Variants in WNK1 observed in about 807,000 individuals in gnomAD.
WNK1 encodes serine/threonine-protein kinase WNK1.
In WNK1, 38 loss-of-function variants were observed where a neutral mutation model predicts 222.8. That is an observed-to-expected ratio of 0.17 (90% CI 0.13 to 0.22). The LOEUF (loss-of-function observed/expected upper bound fraction) is 0.22. Among genes scored for constraint, WNK1 ranks in the 10% least tolerant of loss-of-function variants. The pLI, the probability that WNK1 is intolerant of heterozygous loss-of-function variation, is 1.00. For missense variants in WNK1, 2,348 were observed against 2,918.4 expected (o/e 0.80, Z 4.50); for synonymous variants, 1,090 against 1,092.9 (o/e 1.00, Z 0.05).
intron 1 of WNK1, among the ~76,000 whole-genome samples, chr12:807,144 G>A (rs10849559): frequency 0.42 from 64,070 of 151,718 alleles, 15,145 homozygotes; most frequent in East Asian, 0.81. Context: ...GGAGTGGGTG[G>A]GAAGGTAGTA....
intron 1 of WNK1, among the ~76,000 whole-genome samples, chr12:786,427 C>A (rs1358732485): frequency 6.6e-6 from 1 of 150,822 alleles, no homozygotes; most frequent in Non-Finnish European, 1.5e-5. Context: ...TTTATATTGT[C>A]ATTCTTTTTT....
intron 2 of WNK1, among the ~76,000 whole-genome samples, chr12:823,318 C>A (rs980745789): frequency 1.3e-5 from 2 of 151,618 alleles, no homozygotes; most frequent in Admixed American, 1.3e-4. Context: ...AGATTCATGT[C>A]TTTTACTAAG....
chr12:821,042 G>GTTTTTTTTTTTTTTTTTTTTTTTTT (rs60880879), intron 2 of WNK1, among the ~76,000 whole-genome samples: 1 of 79,118 alleles, frequency 1.3e-5, no homozygotes, highest in Non-Finnish European at 2.2e-5. Flanking sequence ...AGTTTCTTGA[G>GTTTTTTTTTTTTTTTTTTTTTTTTT]TTTTTTTTTT....
chr12:881,251 A>G (rs1057340781), intron 12 of WNK1, among the ~76,000 whole-genome samples: 11 of 152,172 alleles, frequency 7.2e-5, no homozygotes, highest in South Asian at 4.1e-4. Flanking sequence ...TTCTCTAGCT[A>G]GTACTTTAGC....
At chr12:766,272 A>G (rs924373733) in intron 1 of WNK1, among the ~76,000 whole-genome samples, 3 of 152,228 alleles carry the variant, frequency 2.0e-5, no homozygotes, top group Admixed American at 6.5e-5. Context: ...GTAAATAAAA[A>G]TTAAAAAATA....
intron 4 of WNK1, among the ~76,000 whole-genome samples, chr12:848,112 G>T (rs1313254456): frequency 6.6e-6 from 1 of 151,950 alleles, no homozygotes; most frequent in African/African-American, 2.4e-5. Flanking sequence ...GCTGGCTAAT[G>T]GATTAATTCT....
At chr12:824,234 T>G (rs1363318789) in intron 2 of WNK1, among the ~76,000 whole-genome samples, 1 of 150,806 alleles carries the variant, frequency 6.6e-6, no homozygotes, top group Non-Finnish European at 1.5e-5. Context: ...TTTTTTTTTT[T>G]GTCCTATCTG....
Position 908,608 on chromosome 12 carries a change from C to T in WNK1, c.6965C>T (p.Pro2322Leu). Residue 2322 changes from proline (P) to leucine (L), a missense_variant, in exon 28 of 28, where the codon CCC becomes CTC. Physicochemically the swap from Pro to Leu is moderately conservative, Grantham distance 98 (BLOSUM62 -3). Transcript: ENST00000315939. ...SLGHFTKSMC[P>L]PQQYGFPATP... ...GGTCACTTCACCAAGTCTATGTGCC[C>T]CCCACAGCAGTATGGCTTTCCAGCT... 1 of 1,614,188 alleles carries T rather than the reference C, an allele frequency of 6.2e-7. No individual in the cohort carries two copies. The highest frequency in any genetic ancestry group is 8.5e-7 in the Non-Finnish European group (1 of 1,180,046).
chr12:848,287 G>C (rs907704549), intron 4 of WNK1, among the ~76,000 whole-genome samples: 1 of 152,086 alleles, frequency 6.6e-6, no homozygotes, highest in African/African-American at 2.4e-5. Flanking sequence ...GATTGGAAAT[G>C]GTTAAATGTC....
At position 910,202 on chromosome 12, in the gene WNK1, A is replaced by C. The variant is rs185595322; in HGVS notation, c.*1410A>C. 1.3e-5 allele frequency: 2 copies of C among 152,364 alleles called. No individual in the cohort carries two copies. Among genetic ancestry groups the C allele is most frequent in the African/African-American group, 4.8e-5 (2 of 41,576 alleles). 9.4% of individuals were successfully genotyped at this position (152,364 alleles called of 1,614,324 possible). ...ACAGATGGAGAAAATTGCTCTCAGA[A>C]AAACTGTTTGGATTGCTTTCCTCTT... On this transcript the variant is annotated 3_prime_UTR_variant, in exon 28 of 28. Coordinates refer to ENST00000315939, the MANE Select transcript of WNK1 (RefSeq NM_018979.4).
intron 1 of WNK1, among the ~76,000 whole-genome samples, chr12:784,822 A>G (rs907770480): frequency 5.3e-5 from 8 of 152,112 alleles, no homozygotes; most frequent in Admixed American, 3.9e-4. Context: ...TTCTTCTTAT[A>G]TCTAGCTGGT....
intron 10 of WNK1, among the ~76,000 whole-genome samples, chr12:878,648 A>G (rs914989209): frequency 6.6e-6 from 1 of 152,132 alleles, no homozygotes. Flanking sequence ...GGTATTAGAA[A>G]TAACAGGTTA....
Position 885,977 on chromosome 12 carries a change from G to A in WNK1, c.5173G>A (p.Val1725Ile), listed in dbSNP as rs771508897. The change falls in exon 19 of 28, where the codon GTT becomes ATT. Residue 1725 changes from valine (V) to isoleucine (I), a missense_variant. Val to Ile is a conservative substitution (Grantham distance 29). This residue lies in a region of WNK1 where 1,144 missense variants were observed against 1,273.6 expected (regional missense o/e 0.90). Coordinates refer to ENST00000315939, the MANE Select transcript of WNK1 (RefSeq NM_018979.4). ...NLPLGTVALP[V>I]TPVVTPGQVS... The stretch of plus-strand genomic sequence containing the variant: ...ACCACTAGGAACAGTTGCTTTGCCA[G>A]TTACACCAGTGGTCACACCTGGGCA... 2 of 1,591,078 alleles carry A rather than the reference G, an allele frequency of 1.3e-6. No homozygotes were observed. Among genetic ancestry groups the A allele is most frequent in the East Asian group, 2.2e-5 (1 of 44,784 alleles).
chr12:828,449 A>G (rs1948541433), intron 3 of WNK1, among the ~76,000 whole-genome samples: 1 of 152,164 alleles, frequency 6.6e-6, no homozygotes, highest in Non-Finnish European at 1.5e-5. Flanking sequence ...GTGTTTCTCA[A>G]CCTCAATACT....
At chr12:863,516 G>GT (rs896216302) in intron 8 of WNK1, among the ~76,000 whole-genome samples, 4 of 150,764 alleles carry the variant, frequency 2.7e-5, no homozygotes, top group Non-Finnish European at 5.9e-5. Flanking sequence ...ACCTTTAATT[G>GT]TTTTTTTTCT....
chr12:811,191 C>A (rs1423757817), intron 1 of WNK1, among the ~76,000 whole-genome samples: 1 of 152,036 alleles, frequency 6.6e-6, no homozygotes, highest in African/African-American at 2.4e-5. Context: ...TTGATACGGT[C>A]TTTTAAAATT....
intron 4 of WNK1, among the ~76,000 whole-genome samples, chr12:849,976 A>G (rs543789867): frequency 6.6e-6 from 1 of 152,316 alleles, no homozygotes; most frequent in South Asian, 2.1e-4. Context: ...ATTGTTGGAC[A>G]TTTGGATTAG....
chr12:870,192 A>G (rs1952022126), intron 8 of WNK1, among the ~76,000 whole-genome samples: 3 of 152,208 alleles, frequency 2.0e-5, no homozygotes, highest in Admixed American at 6.5e-5. Context: ...CAAATTATCA[A>G]TTATTTAGTG....
chr12:779,426 A>T (rs1363419362), intron 1 of WNK1, among the ~76,000 whole-genome samples: 5 of 124,416 alleles, frequency 4.0e-5, no homozygotes, highest in Admixed American at 8.8e-5. Flanking sequence ...TTTTTTTGAG[A>T]CATAGTTTCA....
Sources: gnomAD v4.1 joint callset for allele counts (sites outside exome capture counted in the v4.1 genomes callset) on GRCh38, gnomAD v4.1.1 for gene constraint, gnomAD v4.1.1 regional missense constraint, MANE v1.5 for transcripts, NCBI Gene and HGNC (gene_info 2026-07-23, HGNC 2026-07-21) for gene names.